CPS1: variants seen among roughly 807,000 people sequenced by gnomAD.
CPS1 encodes the protein carbamoyl-phosphate synthase [ammonia], mitochondrial.
CPS1 carries 109 observed loss-of-function variants against 174.6 expected under a neutral mutation model. The ratio of observed to expected loss-of-function variants is 0.62; its 90% CI spans 0.53 to 0.73. The LOEUF (loss-of-function observed/expected upper bound fraction) is 0.73, where lower values mean the gene tolerates loss of function less well. Among genes scored for constraint, CPS1 ranks in the 30% least tolerant of loss-of-function variants. The probability of loss-of-function intolerance (pLI) is 0.00; values close to 1 mark genes in which losing one functional copy is unlikely to be tolerated. For missense variants in CPS1, 1,689 were observed against 1,821.9 expected, an observed-to-expected ratio of 0.93 and a Z score of 1.33; for synonymous variants, 637 against 632.0, an observed-to-expected ratio of 1.01 and a Z score of -0.12.
chr2:210,673,614 G>A (rs1701395586), intron 34 of CPS1: 1 of 152,088 alleles, frequency 6.6e-6, no homozygotes, highest in African/African-American at 2.4e-5. Flanking sequence ...ACCCATGCTT[G>A]GAAACTAGGA....
At chr2:210,579,383 T>A (rs1697832525) in intron 4 of CPS1, among the ~76,000 whole-genome samples, 1 of 152,182 alleles carries the variant, frequency 6.6e-6, no homozygotes, top group Non-Finnish European at 1.5e-5. Flanking sequence ...AAACATGGAT[T>A]TGCATATTAT....
chr2:210,591,791 C>G (rs374466274), intron 9 of CPS1, 40 bp from the exon 10 acceptor site: 8 of 1,602,552 alleles, frequency 5.0e-6, no homozygotes, highest in East Asian at 2.2e-5. Context: ...ATTCTCTTCA[C>G]TTTTCCTTTT....
At chr2:210,567,007 G>T (rs539137377) in intron 1 of CPS1, among the ~76,000 whole-genome samples, 1 of 152,010 alleles carries the variant, frequency 6.6e-6, no homozygotes, top group Non-Finnish European at 1.5e-5. Context: ...TTGTACAACT[G>T]CATATAGACT....
intron 1 of CPS1, among the ~76,000 whole-genome samples, chr2:210,572,298 C>A (rs995152185): frequency 1.3e-5 from 2 of 151,960 alleles, no homozygotes; most frequent in African/African-American, 4.8e-5. Context: ...ATTTATGATT[C>A]TAATTTCCTC....
At chr2:210,564,515 A>G (rs1453357714) in intron 1 of CPS1, among the ~76,000 whole-genome samples, 8 of 152,118 alleles carry the variant, frequency 5.3e-5, no homozygotes, top group African/African-American at 1.9e-4. Context: ...AGCTGGGACT[A>G]CAGGTGCCTG....
intron 18 of CPS1, 79 bp downstream of exon 18, chr2:210,607,020 G>T: frequency 7.8e-7 from 1 of 1,277,884 alleles, no homozygotes; most frequent in Non-Finnish European, 1.1e-6. Flanking sequence ...GTGGAAGACT[G>T]TACTGCATTT....
chr2:210,508,291 T>C (rs368076079), intron 1 of CPS1, among the ~76,000 whole-genome samples: 32 of 151,720 alleles, frequency 2.1e-4, no homozygotes, highest in South Asian at 6.3e-4. Context: ...GGGTACATAA[T>C]GAAATGAAGG....
At chr2:210,667,132 T>C (rs1701129358) in intron 33 of CPS1, among the ~76,000 whole-genome samples, 1 of 152,152 alleles carries the variant, frequency 6.6e-6, no homozygotes, top group African/African-American at 2.4e-5. Flanking sequence ...TCTGTTTGTC[T>C]GTTATTGCTG....
chr2:210,670,897 A>G (rs1295796871), intron 34 of CPS1, among the ~76,000 whole-genome samples: 1 of 152,232 alleles, frequency 6.6e-6, no homozygotes, highest in Non-Finnish European at 1.5e-5. Context: ...TTAGGATAAA[A>G]GAATCAAGAT....
At chr2:210,662,028 CCA>C (rs1453317273) in intron 32 of CPS1, among the ~76,000 whole-genome samples, 1 of 151,258 alleles carries the variant, frequency 6.6e-6, no homozygotes, top group Non-Finnish European at 1.5e-5. Context: ...CCTCAGCCCC[CCA>C]AGTAGCCCCC....
intron 1 of CPS1, among the ~76,000 whole-genome samples, chr2:210,557,775 A>T (rs1416755949): frequency 1.3e-5 from 2 of 152,092 alleles, no homozygotes; most frequent in African/African-American, 4.8e-5. Context: ...CTGTCTGTTG[A>T]TGTGAAAATG....
chr2:210,656,698 T>TG, intron 30 of CPS1, 66 bp downstream of exon 30: 1 of 1,196,704 alleles, frequency 8.4e-7, no homozygotes. Context: ...CTAAGGTTTT[T>TG]TTTTTTTTTT....
intron 11 of CPS1, 98 bp downstream of exon 11, chr2:210,593,054 C>A: frequency 1.9e-6 from 2 of 1,050,502 alleles, no homozygotes; most frequent in Non-Finnish European, 3.0e-6. Context: ...TGATCTTGAG[C>A]AGAACATTCT....
chr2:210,565,991 T>C (rs1697289160), intron 1 of CPS1, among the ~76,000 whole-genome samples: 2 of 152,188 alleles, frequency 1.3e-5, no homozygotes, highest in African/African-American at 2.4e-5. Context: ...GCAGTTTTGA[T>C]AAAGCCTTGG....
chr2:210,674,253 C>G (rs1261691209), intron 34 of CPS1: 2 of 152,226 alleles, frequency 1.3e-5, no homozygotes, highest in South Asian at 2.1e-4. Context: ...GTGGGTGGAT[C>G]ACCTGAGGTC....
Position 210,556,693 on chromosome 2 carries a change from A to G in CPS1, c.-41A>G. 1 of 1,608,782 alleles carries G rather than the reference A, an allele frequency of 6.2e-7. No individual in the cohort carries two copies. The highest frequency in any genetic ancestry group is 8.5e-7 in the Non-Finnish European group (1 of 1,177,800). Reference sequence around the variant, plus strand: ...AAGTCTTATCACACAATCTCATAAAATTTATGTAATTTCATTTAATTTTAG... The same window carrying G: ...AAGTCTTATCACACAATCTCATAAAGTTTATGTAATTTCATTTAATTTTAG... On this transcript the variant is annotated 5_prime_UTR_variant, in exon 1 of 38. Transcript: ENST00000233072.
chr2:210,650,702 C>CA (rs1205264965), intron 28 of CPS1, among the ~76,000 whole-genome samples: 1 of 152,104 alleles, frequency 6.6e-6, no homozygotes, highest in African/African-American at 2.4e-5. Context: ...CATATTTTAT[C>CA]AAAACAGATT....
chr2:210,654,215 G>T, intron 29 of CPS1, 113 bp downstream of exon 29: 1 of 906,756 alleles, frequency 1.1e-6, no homozygotes, highest in East Asian at 2.5e-5. Context: ...CAGGTCTCCA[G>T]TAATAGTGGA....
In CPS1 at chr2:210,612,240, C is replaced by G. The variant is rs774494894; in HGVS notation, c.2515C>G (p.Leu839Val). ...CAAAGAATGGCCATCTAATTTAGAT[C>G]TTAGAAAAGAGTTGTCTGAACCAAG... ...MNKEWPSNLDLRKELSEPSST... is the reference protein window; with the variant it reads ...MNKEWPSNLDVRKELSEPSST... The change falls in exon 20 of 38, where the codon CTT becomes GTT. Residue 839 changes from leucine to valine, a missense_variant. Leu to Val is a conservative substitution (Grantham distance 32). Transcript: ENST00000233072. 1 of 1,612,186 alleles carries G rather than the reference C, an allele frequency of 6.2e-7. No homozygotes were observed.
Sources: allele counts gnomAD v4.1 joint callset (sites outside exome capture counted in the v4.1 genomes callset), GRCh38; gene constraint gnomAD v4.1.1; transcripts MANE v1.5; gene names NCBI Gene and HGNC (gene_info 2026-07-23, HGNC 2026-07-21).